The following TMEM232 variants were observed in gnomAD, a reference collection of about 807,000 sequenced individuals.
TMEM232 encodes transmembrane protein 232.
A neutral mutation model predicts 78.8 loss-of-function variants in TMEM232; 80 were observed. The ratio of observed to expected loss-of-function variants is 1.01; its 90% CI spans 0.85 to 1.22. The LOEUF (loss-of-function observed/expected upper bound fraction) is 1.22, where lower values mean the gene tolerates loss of function less well. TMEM232 is among the 50% of genes most tolerant of loss of function. The pLI is 0.00. For synonymous variants in TMEM232, 297 were observed against 254.3 expected (o/e 1.17, Z -1.60); for missense variants, 881 against 742.2 (o/e 1.19, Z -2.17).
intron 12 of TMEM232, among the ~76,000 whole-genome samples, chr5:110,446,613 G>T (rs1229608326): frequency 6.6e-6 from 1 of 152,142 alleles, no homozygotes; most frequent in African/African-American, 2.4e-5. Context: ...AATGGTGTAA[G>T]ACTTTAGGCT....
chr5:110,694,844 A>T (rs1353744868), intron 1 of TMEM232, among the ~76,000 whole-genome samples: 43 of 152,138 alleles, frequency 2.8e-4, no homozygotes, highest in South Asian at 8.3e-4. Context: ...CTCCGACACA[A>T]TAATAATGGG....
At chr5:110,438,585 A>G (rs573533103) in intron 12 of TMEM232, among the ~76,000 whole-genome samples, 77 of 152,062 alleles carry the variant, frequency 5.1e-4, no homozygotes, top group African/African-American at 1.8e-3. Flanking sequence ...GTGGTAAGGG[A>G]AAAGAAAAAC....
At chr5:110,662,245 A>T (rs762834786) in intron 2 of TMEM232, among the ~76,000 whole-genome samples, 89 of 152,260 alleles carry the variant, frequency 5.8e-4, no homozygotes, top group Non-Finnish European at 1.1e-3. Flanking sequence ...TGGCATGAAA[A>T]ATACTAAATA....
intron 2 of TMEM232, 125 bp downstream of exon 2, chr5:110,667,103 A>G (rs1790692036): frequency 3.9e-6 from 3 of 763,616 alleles, no homozygotes; most frequent in Non-Finnish European, 6.0e-6. Flanking sequence ...GCTATTAAAC[A>G]AATAGTAAAC....
At chr5:110,491,447 T>A (rs1765086151) in intron 12 of TMEM232, among the ~76,000 whole-genome samples, 1 of 151,940 alleles carries the variant, frequency 6.6e-6, no homozygotes, top group Non-Finnish European at 1.5e-5. Context: ...ATGTCCAGAA[T>A]AGGCAAATCC....
intron 1 of TMEM232, among the ~76,000 whole-genome samples, chr5:110,703,791 A>G (rs1795664034): frequency 6.6e-6 from 1 of 152,072 alleles, no homozygotes; most frequent in Admixed American, 6.6e-5. Context: ...ATTTTCCAAT[A>G]TTTTTATTGT....
At chr5:110,522,268 CTG>C (rs1370133052) in intron 12 of TMEM232, among the ~76,000 whole-genome samples, 1 of 152,114 alleles carries the variant, frequency 6.6e-6, no homozygotes, top group Non-Finnish European at 1.5e-5. Flanking sequence ...TTTGTTGACT[CTG>C]TATCCTGCAA....
chr5:110,566,289 T>C (rs1776329801), intron 11 of TMEM232, among the ~76,000 whole-genome samples: 1 of 151,968 alleles, frequency 6.6e-6, no homozygotes, highest in Non-Finnish European at 1.5e-5. Flanking sequence ...GAGGGGCTGC[T>C]GGGAATGTCT....
chr5:110,469,235 G>A (rs1762408047), intron 12 of TMEM232, among the ~76,000 whole-genome samples: 1 of 152,164 alleles, frequency 6.6e-6, no homozygotes, highest in East Asian at 1.9e-4. Context: ...TTTGGAACTG[G>A]AACTATGGCT....
At chr5:110,541,919 C>T (rs1773168331) in intron 11 of TMEM232, among the ~76,000 whole-genome samples, 1 of 152,140 alleles carries the variant, frequency 6.6e-6, no homozygotes, top group Non-Finnish European at 1.5e-5. Context: ...AACCCTAAAT[C>T]AGGCCAAGAG....
At chr5:110,408,197 A>C (rs1263004378) in intron 2 of TMEM232, among the ~76,000 whole-genome samples, 1 of 152,120 alleles carries the variant, frequency 6.6e-6, no homozygotes, top group Non-Finnish European at 1.5e-5. Flanking sequence ...TTAACAACCT[A>C]ATGGTGCACC....
chr5:110,527,255 T>C lies in TMEM232; in HGVS notation c.1703+1333A>G, dbSNP rs574490327. 3.1e-4 allele frequency among the ~76,000 whole-genome samples: 47 copies of C among 152,044 alleles called. 1 individual carries two copies. Among genetic ancestry groups the C allele is most frequent in the African/African-American group, 1.1e-3 (46 of 41,550 alleles). On this transcript the variant is annotated intron_variant, in intron 12 of 13. Coordinates refer to ENST00000455884, the MANE Select transcript of TMEM232 (RefSeq NM_001039763.4). ...ACAAAGGAAAGAGAATCACATATTA[T>C]ACTAGACTTTGCAAACACAGTAATA... is the stretch of plus-strand genomic sequence containing the variant.
chr5:110,451,905 G>T (rs1238562476), intron 12 of TMEM232, among the ~76,000 whole-genome samples: 2 of 151,846 alleles, frequency 1.3e-5, no homozygotes, highest in Non-Finnish European at 2.9e-5. Context: ...TTTTCTTATA[G>T]TTCACCAATT....
chr5:110,569,286 TTTCC>T (rs1450086318), intron 10 of TMEM232, among the ~76,000 whole-genome samples: 5 of 151,908 alleles, frequency 3.3e-5, no homozygotes, highest in Non-Finnish European at 4.4e-5. Flanking sequence ...AAATATGTAT[TTTCC>T]TTAGAGAAAG....
intron 11 of TMEM232, among the ~76,000 whole-genome samples, chr5:110,534,332 A>G: frequency 1.3e-5 from 2 of 152,338 alleles, no homozygotes; most frequent in South Asian, 2.1e-4. Context: ...AGTCTTCAAG[A>G]AAAGTAGAAC....
rs564699843 is a variant in TMEM232, at chr5:110,658,103, T to C, written c.125+9125A>G. Among the ~76,000 whole-genome samples, 4 of 152,238 alleles carry C rather than the reference T, an allele frequency of 2.6e-5. No individual in the cohort carries two copies. In the South Asian group the frequency reaches 8.3e-4, roughly 32 times the overall value. The stretch of plus-strand genomic sequence containing the variant: ...GGGAATAAATAAAGAGCAGGTGATA[T>C]GAACACCTGCAGAAATTCATTCTAT... On this transcript the variant is annotated intron_variant, in intron 2 of 13. Transcript: ENST00000455884.
At chr5:110,541,299 T>C (rs1209697126) in intron 11 of TMEM232, among the ~76,000 whole-genome samples, 1 of 152,070 alleles carries the variant, frequency 6.6e-6, no homozygotes, top group Non-Finnish European at 1.5e-5. Flanking sequence ...ATAGAACCAG[T>C]CCAGAGGAGA....
chr5:110,489,374 T>C (rs1317590579), intron 12 of TMEM232, among the ~76,000 whole-genome samples: 1 of 152,066 alleles, frequency 6.6e-6, no homozygotes, highest in Non-Finnish European at 1.5e-5. Flanking sequence ...TGGAAATTAA[T>C]GTAATAAAAC....
intron 1 of TMEM232, among the ~76,000 whole-genome samples, chr5:110,719,849 C>CA (rs1797411870): frequency 6.6e-6 from 1 of 152,022 alleles, no homozygotes. Flanking sequence ...CATGCCAGCC[C>CA]ATTAGCCTCC....
Sources: gnomAD v4.1 joint callset for allele counts (sites outside exome capture counted in the v4.1 genomes callset) on GRCh38, gnomAD v4.1.1 for gene constraint, MANE v1.5 for transcripts, NCBI Gene and HGNC (gene_info 2026-07-23, HGNC 2026-07-21) for gene names.